Variants in AVL9 observed in about 807,000 individuals in gnomAD.
AVL9 encodes the protein AVL9 cell migration associated, also known as late secretory pathway protein AVL9 homolog.
AVL9 carries 49 observed loss-of-function variants against 79.2 expected under a neutral mutation model. That is an observed-to-expected ratio of 0.62 (90% CI 0.49 to 0.79). The LOEUF is 0.79. Ranked by LOEUF, AVL9 falls within the 30% of genes least tolerant of loss-of-function variation. AVL9 has a pLI of 0.00. For synonymous variants in AVL9, 299 were observed against 280.6 expected (o/e 1.07, Z -0.65); for missense variants, 682 against 776.8 (o/e 0.88, Z 1.45).
intron 1 of AVL9, among the ~76,000 whole-genome samples, chr7:32,530,471 A>G (rs543516636): frequency 6.6e-6 from 1 of 152,378 alleles, no homozygotes; most frequent in Non-Finnish European, 1.5e-5. Context: ...TTACGTTTCA[A>G]TAAATGCCAA....
chr7:32,512,089 G>A (rs1366442794), intron 1 of AVL9, among the ~76,000 whole-genome samples: 1 of 152,140 alleles, frequency 6.6e-6, no homozygotes, highest in African/African-American at 2.4e-5. Flanking sequence ...TAGTGAGGAG[G>A]CCCCATCAAT....
intron 12 of AVL9, among the ~76,000 whole-genome samples, chr7:32,574,722 T>TAAATAG (rs6150061): frequency 0.84 from 127,356 of 151,968 alleles, 53,420 homozygotes; most frequent in Middle Eastern, 0.88. Flanking sequence ...TCACAGAGGT[T>TAAATAG]CATAAGAGGC....
At chr7:32,570,929 T>C (rs1790809861) in intron 11 of AVL9, among the ~76,000 whole-genome samples, 1 of 142,930 alleles carries the variant, frequency 7.0e-6, no homozygotes, top group Non-Finnish European at 1.5e-5. Flanking sequence ...CCTGAAATAA[T>C]TTTTGAGAAA....
At chr7:32,549,600 G>A (rs1459767913) in intron 4 of AVL9, among the ~76,000 whole-genome samples, 2 of 151,756 alleles carry the variant, frequency 1.3e-5, no homozygotes, top group South Asian at 2.1e-4. Context: ...TATACATAAG[G>A]CAAGAATAGT....
chr7:32,526,976 C>T (rs927508631), intron 1 of AVL9, among the ~76,000 whole-genome samples: 10 of 152,106 alleles, frequency 6.6e-5, no homozygotes, highest in Admixed American at 2.0e-4. Context: ...GTTGGATATT[C>T]CCCGGGGACC....
chr7:32,523,791 T>A (rs1261972286), intron 1 of AVL9, among the ~76,000 whole-genome samples: 1 of 148,484 alleles, frequency 6.7e-6, no homozygotes, highest in Non-Finnish European at 1.5e-5. Context: ...TGGAGTGCAG[T>A]GGCACGATCT....
rs1791643481 is a variant in AVL9, at chr7:32,583,928, A to G, written c.*21A>G. The G allele has an allele frequency of 2.5e-6, 4 of 1,572,762 alleles. No homozygotes were observed. The highest frequency in any genetic ancestry group is 3.5e-6 in the Non-Finnish European group (4 of 1,142,842). On this transcript the variant is annotated 3_prime_UTR_variant, in exon 16 of 16. Coordinates refer to ENST00000318709, the MANE Select transcript of AVL9 (RefSeq NM_015060.3). ...CTTGAGCAAGGCGTCAGAGGCTGCT[A>G]TTGCTTTCTGAGGTTTAAGTGTCCC...
chr7:32,584,780 G>C lies in AVL9; in HGVS notation c.*873G>C, dbSNP rs1267779189. The C allele has an allele frequency of 4.9e-5, 3 of 61,766 alleles. No individual in the cohort carries two copies. Among genetic ancestry groups the C allele is most frequent in the Non-Finnish European group, 1.0e-4 (3 of 29,750 alleles). The allele number at this position is 61,766 out of a possible 1,614,324, so 3.8% of individuals were successfully genotyped here. ...TCTGTTTCTCTTTTTTTTTTTGGGG[G>C]GGGGGGGGGGGCGGGGTCTCACTCT... is the stretch of plus-strand genomic sequence containing the variant. On this transcript the variant is annotated 3_prime_UTR_variant, in exon 16 of 16. Transcript: ENST00000318709.
At position 32,554,607 on chromosome 7, in the gene AVL9, A is replaced by T; in HGVS notation, c.609+11A>T. ...CTTCTTGAAAAAAAGGTACGATCCT[A>T]AGGGATGAAAGGAAAGATGGAGTAT... is the stretch of plus-strand genomic sequence containing the variant. On this transcript the variant is annotated intron_variant, in intron 8 of 15. Transcript: ENST00000318709. 6.7e-7 allele frequency: 1 copy of T among 1,494,548 alleles called. No homozygotes were observed. Among genetic ancestry groups the T allele is most frequent in the Non-Finnish European group, 9.0e-7 (1 of 1,108,828 alleles). The allele number at this position is 1,494,548 out of a possible 1,614,324, so 92.6% of individuals were successfully genotyped here.
intron 1 of AVL9, among the ~76,000 whole-genome samples, chr7:32,526,970 G>A (rs1201003676): frequency 6.6e-6 from 1 of 152,116 alleles, no homozygotes; most frequent in East Asian, 1.9e-4. Flanking sequence ...AGGCCAGTTG[G>A]ATATTCCCCG....
At chr7:32,540,407 G>A (rs1236840773) in intron 1 of AVL9, among the ~76,000 whole-genome samples, 1 of 152,170 alleles carries the variant, frequency 6.6e-6, no homozygotes, top group African/African-American at 2.4e-5. Context: ...AACCAGAAGT[G>A]GTTGGGGCTC....
intron 1 of AVL9, among the ~76,000 whole-genome samples, chr7:32,506,746 T>TAAA (rs35935504): frequency 6.9e-6 from 1 of 144,742 alleles, no homozygotes; most frequent in South Asian, 2.2e-4. Context: ...TGTCTCTATT[T>TAAA]AAAAAAAAAA....
At position 32,579,467 on chromosome 7, in the gene AVL9, A is replaced by T. The variant is rs368914597; in HGVS notation, c.1689-752A>T. Reference sequence around the variant, plus strand: ...TATAATATATTATATATTATATATAATATATTATATTATATATAATATATT... The same window carrying T: ...TATAATATATTATATATTATATATATTATATTATATTATATATAATATATT... On this transcript the variant is annotated intron_variant, in intron 13 of 15. Coordinates refer to ENST00000318709, the MANE Select transcript of AVL9 (RefSeq NM_015060.3). Among the ~76,000 whole-genome samples, 18 of 2,614 alleles carry T rather than the reference A, an allele frequency of 6.9e-3. 2 individuals carry two copies. The highest frequency in any genetic ancestry group is 0.026 in the East Asian group (2 of 76). 1.7% of individuals were successfully genotyped at this position (2,614 alleles called of 152,430 possible). A position where few individuals can be genotyped will look rare whatever the true frequency, so the allele number is the denominator to read the frequency against.
chr7:32,521,737 T>C (rs1034450752), intron 1 of AVL9, among the ~76,000 whole-genome samples: 3 of 152,174 alleles, frequency 2.0e-5, no homozygotes, highest in East Asian at 3.9e-4. Context: ...CCCAAGACCA[T>C]GGGGAAGATG....
At chr7:32,580,765 T>C in intron 14 of AVL9, 37 bp from the exon 15 acceptor site, 1 of 1,507,310 alleles carries the variant, frequency 6.6e-7, no homozygotes, top group Non-Finnish European at 9.2e-7. Flanking sequence ...TTTTTAAAAT[T>C]GTACCTAACA....
intron 7 of AVL9, among the ~76,000 whole-genome samples, chr7:32,554,077 T>TA (rs1265748234): frequency 6.6e-6 from 1 of 152,240 alleles, no homozygotes; most frequent in East Asian, 1.9e-4. Flanking sequence ...AAACATGTTT[T>TA]GATCTTGCAG....
chr7:32,584,802 C>T lies in AVL9; in HGVS notation c.*895C>T, dbSNP rs1791701884. On this transcript the variant is annotated 3_prime_UTR_variant, in exon 16 of 16. Transcript: ENST00000318709. ...GGGGGGGGGGGGGGGCGGGGTCTCACTCTATCGCCCAGGCTGGAGTGCAGT... is the reference window on the plus strand; with the variant it reads ...GGGGGGGGGGGGGGGCGGGGTCTCATTCTATCGCCCAGGCTGGAGTGCAGT... The T allele has an allele frequency of 8.4e-6, 1 of 119,626 alleles. No homozygotes were observed. The highest frequency in any genetic ancestry group is 1.7e-5 in the Non-Finnish European group (1 of 60,530). 7.4% of individuals were successfully genotyped at this position (119,626 alleles called of 1,614,324 possible).
chr7:32,539,595 A>T (rs753545481), intron 1 of AVL9, among the ~76,000 whole-genome samples: 3 of 152,186 alleles, frequency 2.0e-5, no homozygotes, highest in Non-Finnish European at 4.4e-5. Context: ...TGCCTCTGAC[A>T]CTGTTGACTG....
intron 1 of AVL9, among the ~76,000 whole-genome samples, chr7:32,519,459 C>G (rs1027625149): frequency 6.6e-6 from 1 of 151,114 alleles, no homozygotes; most frequent in East Asian, 1.9e-4. Flanking sequence ...AATGGAAGGG[C>G]CTTCAGACTG....
Sources: allele counts gnomAD v4.1 joint callset (sites outside exome capture counted in the v4.1 genomes callset), GRCh38; gene constraint gnomAD v4.1.1; transcripts MANE v1.5; gene names NCBI Gene and HGNC (gene_info 2026-07-23, HGNC 2026-07-21).